Variants in ATP4A observed in about 807,000 individuals in gnomAD.
The protein encoded by ATP4A is ATPase H+/K+ transporting subunit alpha.
Under a neutral mutation model 112.1 loss-of-function variants are expected in ATP4A, and 73 were observed. The observed-to-expected ratio is 0.65, with a 90% confidence interval of 0.54 to 0.79. The LOEUF is 0.79. ATP4A is among the 30% of genes least tolerant of loss of function. The pLI is 0.00. For missense variants in ATP4A, 1,081 were observed against 1,425.9 expected (o/e 0.76, Z 3.90); for synonymous variants, 588 against 588.9 (o/e 1.00, Z 0.02).
Position 35,560,511 on chromosome 19 carries a change from GT to G in ATP4A, c.638del (p.Asp213AlafsTer17), listed in dbSNP as rs1568315983. Reference sequence around the variant, plus strand: ...AGCCCTGGGCCGCCAGGATGCGGATGTCGGCGGGCACTCTGTCCCCACCTTT... The same window carrying G: ...AGCCCTGGGCCGCCAGGATGCGGATGCGGCGGGCACTCTGTCCCCACCTTT... The part of the protein sequence containing the change: ...EMKGGDRVPA[D>X]IRILAAQGCK... On this transcript the variant is annotated frameshift_variant, in exon 6 of 22. Coordinates refer to ENST00000262623, the MANE Select transcript of ATP4A (RefSeq NM_000704.3). LOFTEE classifies it high-confidence loss of function. The surrounding 1 kb of genome is among the most constrained non-coding windows in gnomAD (Gnocchi z 5.1). The G allele has an allele frequency of 1.9e-6, 3 of 1,613,498 alleles. No individual in the cohort carries two copies. The African/African-American group carries it at 4.0e-5, about 22-fold the overall frequency.
Position 35,558,449 on chromosome 19 carries a change from C to T in ATP4A, c.1413G>A (p.Ser471=). Residue 471 remains serine (S), a synonymous_variant, in exon 10 of 22, where the codon TCG becomes TCA. Transcript: ENST00000262623. The surrounding 1 kb of genome is among the most constrained non-coding windows in gnomAD (Gnocchi z 5.1). The stretch of plus-strand genomic sequence containing the variant: ...CCATGGCGTTGCCCAGCGTCAGCTC[C>T]GAGAACTTGAGCAGCGCCGTCTCCG... ...DASETALLKF[S]ELTLGNAMGY... 6.2e-7 allele frequency: 1 copy of T among 1,604,556 alleles called. No homozygotes were observed. The highest frequency in any genetic ancestry group is 8.5e-7 in the Non-Finnish European group (1 of 1,176,044).
chr19:35,551,351 C>T lies in ATP4A; in HGVS notation c.2885+96G>A. The T allele has an allele frequency of 6.3e-7, 1 of 1,583,868 alleles. No homozygotes were observed. The highest frequency in any genetic ancestry group is 8.6e-7 in the Non-Finnish European group (1 of 1,161,384). ...GCATGTCACCATCTGGCACTGGCAC[C>T]CGCTGGCATTTGCCGGCTGTTCTAA... On this transcript the variant is annotated intron_variant, in intron 19 of 21. Transcript: ENST00000262623. The surrounding 1 kb of genome is among the most constrained non-coding windows in gnomAD (Gnocchi z 5.2).
At position 35,558,832 on chromosome 19, in the gene ATP4A, CG is replaced by C. The variant is rs1004247533; in HGVS notation, c.1256-147del. On this transcript the variant is annotated intron_variant, in intron 8 of 21. Coordinates refer to ENST00000262623, the MANE Select transcript of ATP4A (RefSeq NM_000704.3). The surrounding 1 kb of genome is among the most constrained non-coding windows in gnomAD (Gnocchi z 5.1). ...ACCCAACCCTGAGGGACCCAGCCCCCGGATGACCCTTCCCTCTAGACCCGGT... is the reference window on the plus strand; with the variant it reads ...ACCCAACCCTGAGGGACCCAGCCCCCGATGACCCTTCCCTCTAGACCCGGT... The C allele has an allele frequency of 1.1e-5, 14 of 1,262,776 alleles. No homozygotes were observed. The African/African-American group carries it at 1.8e-4, about 16-fold the overall frequency. 78.2% of individuals were successfully genotyped at this position (1,262,776 alleles called of 1,614,324 possible). A position where few individuals can be genotyped will look rare whatever the true frequency, so the allele number is the denominator to read the frequency against.
chr19:35,560,299 G>T lies in ATP4A; in HGVS notation c.787+64C>A. 1.3e-6 allele frequency: 2 copies of T among 1,599,952 alleles called. No homozygotes were observed. Among genetic ancestry groups the T allele is most frequent in the South Asian group, 1.1e-5 (1 of 89,288 alleles). On this transcript the variant is annotated intron_variant, in intron 6 of 21. Coordinates refer to ENST00000262623, the MANE Select transcript of ATP4A (RefSeq NM_000704.3). The surrounding 1 kb of genome is among the most constrained non-coding windows in gnomAD (Gnocchi z 5.1). ...GAGGCTGAAGCCCCCTGTCCTAGAA[G>T]ATAGCAGGAGAGAGGCCAGTGGAGG...
In ATP4A at chr19:35,563,544, T is replaced by C. The variant is rs369751459; in HGVS notation, c.13-17A>G. On this transcript the variant is annotated splice_polypyrimidine_tract_variant and intron_variant, in intron 1 of 21. Coordinates refer to ENST00000262623, the MANE Select transcript of ATP4A (RefSeq NM_000704.3). ...ATAGTTCTCCTGGGAATGGACAGGATGGAGGGAGGGAGAACTCAGATTCCA... is the reference window on the plus strand; with the variant it reads ...ATAGTTCTCCTGGGAATGGACAGGACGGAGGGAGGGAGAACTCAGATTCCA... 8 of 1,613,762 alleles carry C rather than the reference T, an allele frequency of 5.0e-6. No individual in the cohort carries two copies. In the African/African-American group the frequency reaches 1.1e-4, roughly 22 times the overall value.
In ATP4A at chr19:35,558,563, C is replaced by G; in HGVS notation, c.1365+14G>C. 1 of 1,596,722 alleles carries G rather than the reference C, an allele frequency of 6.3e-7. No homozygotes were observed. The highest frequency in any genetic ancestry group is 8.5e-7 in the Non-Finnish European group (1 of 1,172,498). ...CAGCCTCCCGGGATTCCCTGGAGGCCCCCTGGCTCTCACCTTGGGCACAGG... is the reference window on the plus strand; with the variant it reads ...CAGCCTCCCGGGATTCCCTGGAGGCGCCCTGGCTCTCACCTTGGGCACAGG... On this transcript the variant is annotated intron_variant, in intron 9 of 21. Coordinates refer to ENST00000262623, the MANE Select transcript of ATP4A (RefSeq NM_000704.3). The surrounding 1 kb of genome is among the most constrained non-coding windows in gnomAD (Gnocchi z 5.1).
In ATP4A at chr19:35,551,011, G is replaced by C. The variant is rs764421480; in HGVS notation, c.2986C>G (p.Arg996Gly). 6.2e-7 allele frequency: 1 copy of C among 1,613,494 alleles called. No individual in the cohort carries two copies. Among genetic ancestry groups the C allele is most frequent in the African/African-American group, 1.3e-5 (1 of 74,922 alleles). The change falls in exon 20 of 22, where the codon CGG becomes GGG. Residue 996 changes from arginine to glycine, a missense_variant and splice_region_variant. By Grantham distance (125) the Arg-to-Gly change is moderately radical. This residue lies in a region of ATP4A where 219 missense variants were observed against 320.9 expected (regional missense o/e 0.68). Coordinates refer to ENST00000262623, the MANE Select transcript of ATP4A (RefSeq NM_000704.3). This position sits in a 1 kb window ranked among gnomAD's most constrained non-coding sequence, Gnocchi z 5.2. ...TCCTTGCCCCTCACAGCCTCTCACC[G>C]AATGGGCATGAAGTTGAAGATGTTG... ...MPNIFNFMPIRFQWWLVPLPY... is the reference protein window; with the variant it reads ...MPNIFNFMPIGFQWWLVPLPY...
chr19:35,557,214 C>T lies in ATP4A; in HGVS notation c.1694-126G>A, dbSNP rs2071636266. 2.8e-6 allele frequency: 3 copies of T among 1,062,042 alleles called. No homozygotes were observed. Among genetic ancestry groups the T allele is most frequent in the South Asian group, 1.5e-5 (1 of 68,110 alleles). The allele number at this position is 1,062,042 out of a possible 1,614,324, so 65.8% of individuals were successfully genotyped here. ...TATGGATGCCTGACCTTGTGCTGACCCCTTCACTCACATTATCTGAATCTA... is the reference window on the plus strand; with the variant it reads ...TATGGATGCCTGACCTTGTGCTGACTCCTTCACTCACATTATCTGAATCTA... On this transcript the variant is annotated intron_variant, in intron 11 of 21. Coordinates refer to ENST00000262623, the MANE Select transcript of ATP4A (RefSeq NM_000704.3). This position sits in a 1 kb window ranked among gnomAD's most constrained non-coding sequence, Gnocchi z 4.4.
In ATP4A at chr19:35,551,345, T is replaced by TGGCACC; in HGVS notation, c.2885+96_2885+101dup. On this transcript the variant is annotated intron_variant, in intron 19 of 21. Coordinates refer to ENST00000262623, the MANE Select transcript of ATP4A (RefSeq NM_000704.3). This position sits in a 1 kb window ranked among gnomAD's most constrained non-coding sequence, Gnocchi z 5.2. ...TTTTTGGCATGTCACCATCTGGCAC[T>TGGCACC]GGCACCCGCTGGCATTTGCCGGCTG... 6.4e-7 allele frequency: 1 copy of TGGCACC among 1,572,280 alleles called. No individual in the cohort carries two copies. Among genetic ancestry groups the TGGCACC allele is most frequent in the Non-Finnish European group, 8.7e-7 (1 of 1,152,888 alleles).
Position 35,560,438 on chromosome 19 carries a change from G to C in ATP4A, c.712C>G (p.Arg238Gly). ...SLTGESEPQT[R>G]SPECTHESPL... ...CTCTCGTGCGTGCACTCGGGTGAGC[G>C]GGTCTGTGGCTCAGACTCCCCTGTC... is the stretch of plus-strand genomic sequence containing the variant. The change falls in exon 6 of 22, where the codon CGC becomes GGC. Residue 238 changes from arginine to glycine, a missense_variant. Coordinates refer to ENST00000262623, the MANE Select transcript of ATP4A (RefSeq NM_000704.3). The surrounding 1 kb of genome is among the most constrained non-coding windows in gnomAD (Gnocchi z 5.1). The C allele has an allele frequency of 1.2e-6, 2 of 1,613,814 alleles. No homozygotes were observed. Among genetic ancestry groups the C allele is most frequent in the Non-Finnish European group, 1.7e-6 (2 of 1,180,016 alleles).
Position 35,559,670 on chromosome 19 carries a change from T to G in ATP4A, c.1056+135A>C, listed in dbSNP as rs1014636383. On this transcript the variant is annotated intron_variant, in intron 7 of 21. Coordinates refer to ENST00000262623, the MANE Select transcript of ATP4A (RefSeq NM_000704.3). The surrounding 1 kb of genome is among the most constrained non-coding windows in gnomAD (Gnocchi z 4.1). ...AAGGACTTGCTGAATGAGTGGATGA[T>G]GGGAAGGCAGGAGAATGGATGGGAG... 2 of 1,375,334 alleles carry G rather than the reference T, an allele frequency of 1.5e-6. No homozygotes were observed. Among genetic ancestry groups the G allele is most frequent in the African/African-American group, 2.9e-5 (2 of 68,628 alleles). The allele number at this position is 1,375,334 out of a possible 1,614,324, so 85.2% of individuals were successfully genotyped here. A position where few individuals can be genotyped will look rare whatever the true frequency, so the allele number is the denominator to read the frequency against.
chr19:35,558,415 C>A lies in ATP4A; in HGVS notation c.1447G>T (p.Asp483Tyr), dbSNP rs767770382. The stretch of plus-strand genomic sequence containing the variant: ...ATCTCGCAGACTTTTGGGAAGCGGT[C>A]CCGGTAGCCCATGGCGTTGCCCAGC... ...LTLGNAMGYR[D>Y]RFPKVCEIPF... The change falls in exon 10 of 22, where the codon GAC (aspartate) becomes TAC (tyrosine). Residue 483 changes from aspartate (D) to tyrosine (Y), a missense_variant. Asp to Tyr is a radical substitution (Grantham distance 160, BLOSUM62 -3). Around this residue, in one of 3 missense-constraint regions of ATP4A, gnomAD observed 850 missense variants for 1,068.2 expected, o/e 0.80. Coordinates refer to ENST00000262623, the MANE Select transcript of ATP4A (RefSeq NM_000704.3). The surrounding 1 kb of genome is among the most constrained non-coding windows in gnomAD (Gnocchi z 5.1). 2 of 1,610,464 alleles carry A rather than the reference C, an allele frequency of 1.2e-6. No individual in the cohort carries two copies. The highest frequency in any genetic ancestry group is 3.4e-5 in the Admixed American group (2 of 59,270).
In ATP4A at chr19:35,560,209, G is replaced by C; in HGVS notation, c.788-136C>G. ...GAGGGTAGTGACAGTGGGAGACAGA[G>C]AAGCAGTGTGCCCTGGGGAGGTGGC... On this transcript the variant is annotated intron_variant, in intron 6 of 21. Coordinates refer to ENST00000262623, the MANE Select transcript of ATP4A (RefSeq NM_000704.3). This position sits in a 1 kb window ranked among gnomAD's most constrained non-coding sequence, Gnocchi z 5.1. 6.6e-7 allele frequency: 1 copy of C among 1,522,494 alleles called. No homozygotes were observed. The highest frequency in any genetic ancestry group is 8.9e-7 in the Non-Finnish European group (1 of 1,123,982). 94.3% of individuals were successfully genotyped at this position (1,522,494 alleles called of 1,614,324 possible).
Position 35,562,454 on chromosome 19 carries a change from T to TC in ATP4A, c.400dup (p.Asp134GlyfsTer40). 6.2e-7 allele frequency: 1 copy of TC among 1,613,728 alleles called. No homozygotes were observed. The highest frequency in any genetic ancestry group is 8.5e-7 in the Non-Finnish European group (1 of 1,179,908). ...GCTCACATTGTCGTCGGTGGTGAGGTCCCCCTCACTAGCCTGGATGGCAAA... is the reference window on the plus strand; with the variant it reads ...GCTCACATTGTCGTCGGTGGTGAGGTCCCCCCTCACTAGCCTGGATGGCAAA... On this transcript the variant is annotated frameshift_variant, in exon 4 of 22. Coordinates refer to ENST00000262623, the MANE Select transcript of ATP4A (RefSeq NM_000704.3). LOFTEE classifies it high-confidence loss of function.
chr19:35,558,896 G>A lies in ATP4A; in HGVS notation c.1255+97C>T, dbSNP rs1458809066. ...TTGAGACCTGGAGCCGAGCCGCCCC[G>A]CCTTCGTACAAAGCCCTCCCTACCT... is the stretch of plus-strand genomic sequence containing the variant. On this transcript the variant is annotated intron_variant, in intron 8 of 21. Coordinates refer to ENST00000262623, the MANE Select transcript of ATP4A (RefSeq NM_000704.3). This position sits in a 1 kb window ranked among gnomAD's most constrained non-coding sequence, Gnocchi z 5.1. The A allele has an allele frequency of 1.4e-6, 2 of 1,474,620 alleles. No homozygotes were observed. The highest frequency in any genetic ancestry group is 2.3e-5 in the East Asian group (1 of 43,996). 91.3% of individuals were successfully genotyped at this position (1,474,620 alleles called of 1,614,324 possible). A position where few individuals can be genotyped will look rare whatever the true frequency, so the allele number is the denominator to read the frequency against.
rs550820608 is a variant in ATP4A at position 35,560,279 on chromosome 19, T to C, written c.787+84A>G. 425 of 1,579,188 alleles carry C rather than the reference T, an allele frequency of 2.7e-4. No individual in the cohort carries two copies. In the African/African-American group the frequency reaches 5.0e-3, roughly 19 times the overall value. On this transcript the variant is annotated intron_variant, in intron 6 of 21. Coordinates refer to ENST00000262623, the MANE Select transcript of ATP4A (RefSeq NM_000704.3). The surrounding 1 kb of genome is among the most constrained non-coding windows in gnomAD (Gnocchi z 5.1). ...TCATGCAGGAGAGAGACAGGGAGGC[T>C]GAAGCCCCCTGTCCTAGAAGATAGC...
In ATP4A at chr19:35,550,310, C is replaced by T; in HGVS notation, c.*305G>A. On this transcript the variant is annotated 3_prime_UTR_variant, in exon 22 of 22. Coordinates refer to ENST00000262623, the MANE Select transcript of ATP4A (RefSeq NM_000704.3). The surrounding 1 kb of genome is among the most constrained non-coding windows in gnomAD (Gnocchi z 4.1). ...GACTGGAGTCCTAAGAACAGAAACA[C>T]CCTCCAGAAGCGGTCAGCTGTACTC... 2.3e-6 allele frequency: 1 copy of T among 438,792 alleles called. No individual in the cohort carries two copies. The highest frequency in any genetic ancestry group is 2.0e-5 in the African/African-American group (1 of 50,564). 27.2% of individuals were successfully genotyped at this position (438,792 alleles called of 1,614,324 possible).
Position 35,562,651 on chromosome 19 carries a change from G to T in ATP4A, c.217-13C>A. 6.4e-7 allele frequency: 1 copy of T among 1,573,088 alleles called. No individual in the cohort carries two copies. Among genetic ancestry groups the T allele is most frequent in the Non-Finnish European group, 8.6e-7 (1 of 1,160,802 alleles). On this transcript the variant is annotated splice_polypyrimidine_tract_variant and intron_variant, in intron 3 of 21. Transcript: ENST00000262623. ...TCGCAGAGAGGCCCTGGGACAGAGG[G>T]GCAGGGCGAGGCGGTCCTGGGGGCT... is the stretch of plus-strand genomic sequence containing the variant.
chr19:35,551,220 T>TAC lies in ATP4A; in HGVS notation c.2886-111_2886-110dup. The TAC allele has an allele frequency of 8.0e-7, 1 of 1,244,008 alleles. No homozygotes were observed. 77.1% of individuals were successfully genotyped at this position (1,244,008 alleles called of 1,614,324 possible). On this transcript the variant is annotated intron_variant, in intron 19 of 21. Coordinates refer to ENST00000262623, the MANE Select transcript of ATP4A (RefSeq NM_000704.3). The surrounding 1 kb of genome is among the most constrained non-coding windows in gnomAD (Gnocchi z 5.2). Reference sequence around the variant, plus strand: ...TGTCAGCAGCAGCAGGGAGGTGTTCTACACACTGAACACTGGAGTGGCCCG... The same window carrying TAC: ...TGTCAGCAGCAGCAGGGAGGTGTTCTACACACACTGAACACTGGAGTGGCCCG...
Sources: gnomAD v4.1 joint callset for allele counts on GRCh38, gnomAD v4.1.1 for gene constraint, gnomAD v4.1.1 regional missense constraint, Gnocchi (gnomAD v3.1) non-coding constraint, MANE v1.5 for transcripts, NCBI Gene and HGNC (gene_info 2026-07-23, HGNC 2026-07-21) for gene names.